CCDC3: variants seen among roughly 807,000 people sequenced by gnomAD.
CCDC3 encodes the protein coiled-coil domain-containing protein 3.
In CCDC3, 24 loss-of-function variants were observed where a neutral mutation model predicts 21.4. That is an observed-to-expected ratio of 1.12 (90% CI 0.81 to 1.58). The LOEUF is 1.58. CCDC3 is among the 40% of genes most tolerant of loss of function. CCDC3 has a pLI of 0.00. For synonymous variants in CCDC3, 186 were observed against 166.0 expected, an observed-to-expected ratio of 1.12 and a Z score of -0.93; for missense variants, 425 against 360.9, an observed-to-expected ratio of 1.18 and a Z score of -1.44.
At chr10:13,052,744 A>G (rs1836624299) in intron 4 of CCDC3, among the ~76,000 whole-genome samples, 1 of 152,130 alleles carries the variant, frequency 6.6e-6, no homozygotes. Context: ...GTTCGAGACC[A>G]GCCTGGCCAG....
intron 2 of CCDC3, among the ~76,000 whole-genome samples, chr10:12,998,126 A>G (rs182347504): frequency 7.2e-5 from 11 of 152,172 alleles, no homozygotes. Context: ...CTCCTTATCC[A>G]ACAGTAAAGC....
intron 2 of CCDC3, among the ~76,000 whole-genome samples, chr10:12,929,795 G>T (rs1659861): frequency 0.86 from 129,998 of 151,790 alleles, 55,841 homozygotes; most frequent in East Asian, 1. Flanking sequence ...TATGATGGTA[G>T]TTTAATGCAA....
At chr10:12,916,426 CAAAAAAAA>C (rs71386129) in intron 2 of CCDC3, among the ~76,000 whole-genome samples, 5 of 105,270 alleles carry the variant, frequency 4.7e-5, no homozygotes, top group African/African-American at 1.1e-4. Flanking sequence ...GACTCCATCT[CAAAAAAAA>C]AAAAAAAAAA....
chr10:12,923,526 C>T (rs1026096187), intron 2 of CCDC3, among the ~76,000 whole-genome samples: 1 of 152,166 alleles, frequency 6.6e-6, no homozygotes, highest in Non-Finnish European at 1.5e-5. Context: ...TGAAACCCAC[C>T]ACCTCTGGCC....
At chr10:13,010,111 G>A (rs1419273131) in intron 5 of CCDC3, among the ~76,000 whole-genome samples, 1 of 152,068 alleles carries the variant, frequency 6.6e-6, no homozygotes, top group Non-Finnish European at 1.5e-5. Context: ...AGCAGGGTGT[G>A]GTGGCATGTG....
rs543819676 is a variant in CCDC3, at chr10:13,060,831, A to G, written c.-269-10890T>C. Among the ~76,000 whole-genome samples, 6 of 152,276 alleles carry G rather than the reference A, an allele frequency of 3.9e-5. No individual in the cohort carries two copies. In the South Asian group the frequency reaches 1.0e-3, roughly 26 times the overall value. On this transcript the variant is annotated intron_variant, in intron 4 of 6. Coordinates refer to the CCDC3 transcript ENST00000378839. ...TTCAAATTTTGTTTCTAAAGGCTGAAAAAAAGGGGTTACTGGATTTGACAA... is the reference window on the plus strand; with the variant it reads ...TTCAAATTTTGTTTCTAAAGGCTGAGAAAAAGGGGTTACTGGATTTGACAA...
At chr10:13,070,350 T>C (rs894266262) in intron 4 of CCDC3, among the ~76,000 whole-genome samples, 3 of 152,248 alleles carry the variant, frequency 2.0e-5, no homozygotes, top group Non-Finnish European at 2.9e-5. Flanking sequence ...CATTTTCTTT[T>C]GCAACAGCAC....
chr10:12,986,594 G>GA (rs1390737269), intron 2 of CCDC3, among the ~76,000 whole-genome samples: 1 of 152,158 alleles, frequency 6.6e-6, no homozygotes, highest in East Asian at 1.9e-4. Context: ...CTAACATGGT[G>GA]AAACCCCATC....
chr10:13,037,374 C>T (rs1430473938), intron 5 of CCDC3, among the ~76,000 whole-genome samples: 2 of 152,066 alleles, frequency 1.3e-5, no homozygotes, highest in Non-Finnish European at 2.9e-5. Flanking sequence ...GCCATTAACA[C>T]ATCCAACAAA....
intron 2 of CCDC3, among the ~76,000 whole-genome samples, chr10:12,904,573 G>T (rs1834143618): frequency 6.7e-6 from 1 of 150,078 alleles, no homozygotes; most frequent in Non-Finnish European, 1.5e-5. Flanking sequence ...AAGATGGGGT[G>T]CTCATGCATC....
intron 2 of CCDC3, among the ~76,000 whole-genome samples, chr10:12,934,120 A>C (rs1468010632): frequency 1.3e-5 from 2 of 152,180 alleles, no homozygotes; most frequent in African/African-American, 2.4e-5. Flanking sequence ...TACATCCCAC[A>C]AATTGGTAAG....
chr10:13,051,155 C>G (rs1430654122), intron 4 of CCDC3, among the ~76,000 whole-genome samples: 1 of 152,122 alleles, frequency 6.6e-6, no homozygotes, highest in Non-Finnish European at 1.5e-5. Flanking sequence ...TCAGATTCTG[C>G]CCCCAAAGGA....
intron 2 of CCDC3, among the ~76,000 whole-genome samples, chr10:12,973,592 C>T (rs1380786973): frequency 1.3e-5 from 2 of 152,224 alleles, no homozygotes; most frequent in Non-Finnish European, 2.9e-5. Flanking sequence ...GGTGGGTTCC[C>T]AGCACAACCC....
At chr10:13,072,862 TC>T (rs759910482) in intron 4 of CCDC3, among the ~76,000 whole-genome samples, 23,654 of 106,508 alleles carry the variant, frequency 0.22, 2,584 homozygotes, top group Admixed American at 0.36. Flanking sequence ...TCTTTTCTTT[TC>T]TTTCTTTTTT....
At chr10:12,911,750 G>C (rs1484105668) in intron 2 of CCDC3, among the ~76,000 whole-genome samples, 2 of 152,138 alleles carry the variant, frequency 1.3e-5, no homozygotes, top group African/African-American at 4.8e-5. Context: ...ATGTCCATTA[G>C]ATCTCCTGAA....
chr10:13,023,740 A>C (rs1160468336), intron 5 of CCDC3, among the ~76,000 whole-genome samples: 3 of 152,122 alleles, frequency 2.0e-5, no homozygotes, highest in Non-Finnish European at 2.9e-5. Context: ...AAAGCATCCA[A>C]GGTCTTGTCT....
intron 5 of CCDC3, among the ~76,000 whole-genome samples, chr10:13,016,254 C>G (rs1836057605): frequency 6.6e-6 from 1 of 151,196 alleles, no homozygotes; most frequent in African/African-American, 2.4e-5. Context: ...ATAAAAACCC[C>G]AGCACCCATG....
At chr10:13,020,146 T>C (rs1348499132) in intron 5 of CCDC3, among the ~76,000 whole-genome samples, 1 of 152,212 alleles carries the variant, frequency 6.6e-6, no homozygotes, top group African/African-American at 2.4e-5. Context: ...CGACTTCAGA[T>C]AGAAGGGACA....
intron 2 of CCDC3, among the ~76,000 whole-genome samples, chr10:12,991,003 T>C (rs1297310933): frequency 1.3e-5 from 2 of 152,384 alleles, no homozygotes; most frequent in African/African-American, 2.4e-5. Flanking sequence ...CAAATACTTG[T>C]TGACCATAAG....
Sources: allele counts gnomAD v4.1 joint callset (sites outside exome capture counted in the v4.1 genomes callset), GRCh38; gene constraint gnomAD v4.1.1; transcripts MANE v1.5; gene names NCBI Gene and HGNC (gene_info 2026-07-23, HGNC 2026-07-21).